Variants in MAGI2 observed in about 807,000 individuals in gnomAD.
The protein encoded by MAGI2 is membrane associated guanylate kinase, WW and PDZ domain containing 2, also known as membrane-associated guanylate kinase, WW and PDZ domain-containing protein 2.
In MAGI2, 35 loss-of-function variants were observed where a neutral mutation model predicts 133.3. The observed-to-expected ratio is 0.26, with a 90% CI of 0.20 to 0.35. The LOEUF is 0.35. MAGI2 is among the 10% of genes least tolerant of loss of function. MAGI2 has a pLI of 1.00. For synonymous variants in MAGI2, 729 were observed against 710.6 expected (o/e 1.03, Z -0.41); for missense variants, 1,636 against 1,863.4 (o/e 0.88, Z 2.25).
At chr7:78,907,366 C>T (rs1171948484) in intron 2 of MAGI2, among the ~76,000 whole-genome samples, 1 of 152,176 alleles carries the variant, frequency 6.6e-6, no homozygotes, top group Non-Finnish European at 1.5e-5. Context: ...TAAAGATTAT[C>T]ACCCTGGGGT....
intron 6 of MAGI2, among the ~76,000 whole-genome samples, chr7:78,416,614 G>A (rs1030332202): frequency 1.3e-5 from 2 of 152,104 alleles, no homozygotes; most frequent in South Asian, 2.1e-4. Flanking sequence ...ATGAAGTATA[G>A]TTGTAAACCA....
At chr7:78,234,308 C>T (rs759886134) in intron 10 of MAGI2, among the ~76,000 whole-genome samples, 5 of 152,114 alleles carry the variant, frequency 3.3e-5, no homozygotes, top group Admixed American at 6.6e-5. Flanking sequence ...TGCTTCTGAA[C>T]TGAAATGCAT....
chr7:78,770,187 GTGTT>G (rs1201274001), intron 2 of MAGI2, among the ~76,000 whole-genome samples: 4 of 152,262 alleles, frequency 2.6e-5, no homozygotes, highest in East Asian at 1.9e-4. Context: ...GAGAAATTAT[GTGTT>G]TGTTTTACAC....
chr7:78,603,732 A>C (rs1330038630), intron 3 of MAGI2, among the ~76,000 whole-genome samples: 8 of 152,248 alleles, frequency 5.3e-5, no homozygotes, highest in Admixed American at 5.2e-4. Context: ...CATGTTGGCC[A>C]GGCTGGTCTT....
chr7:79,126,798 T>A (rs1820445707), intron 1 of MAGI2, among the ~76,000 whole-genome samples: 1 of 151,840 alleles, frequency 6.6e-6, no homozygotes, highest in Admixed American at 6.6e-5. Context: ...ACATATTAAA[T>A]AATTTATTAT....
intron 20 of MAGI2, among the ~76,000 whole-genome samples, chr7:78,120,833 C>G (rs1160781049): frequency 6.7e-6 from 1 of 150,318 alleles, no homozygotes; most frequent in Non-Finnish European, 1.5e-5. Context: ...AACCCCGTCT[C>G]TACTAAAAAT....
chr7:78,212,734 A>G (rs532038265), intron 10 of MAGI2, among the ~76,000 whole-genome samples: 2 of 152,296 alleles, frequency 1.3e-5, no homozygotes, highest in Non-Finnish European at 2.9e-5. Flanking sequence ...TTCAAATGAA[A>G]CTAGATCTCA....
intron 20 of MAGI2, among the ~76,000 whole-genome samples, chr7:78,084,064 T>C (rs28617575): frequency 0.087 from 13,191 of 152,254 alleles, 863 homozygotes; most frequent in African/African-American, 0.19. Context: ...CTTACCTGGT[T>C]GTAATCAGTT....
At chr7:79,326,002 T>C (rs1488721266) in intron 1 of MAGI2, among the ~76,000 whole-genome samples, 1 of 152,108 alleles carries the variant, frequency 6.6e-6, no homozygotes, top group East Asian at 1.9e-4. Flanking sequence ...CTTCCTCCAA[T>C]TGTGAATCAC....
At chr7:78,893,164 T>A (rs1796910513) in intron 2 of MAGI2, among the ~76,000 whole-genome samples, 1 of 151,434 alleles carries the variant, frequency 6.6e-6, no homozygotes, top group Non-Finnish European at 1.5e-5. Flanking sequence ...GAAATGCAAA[T>A]CAAAACCACA....
intron 1 of MAGI2, among the ~76,000 whole-genome samples, chr7:79,258,599 C>G (rs1833862257): frequency 6.6e-6 from 1 of 152,202 alleles, no homozygotes; most frequent in Non-Finnish European, 1.5e-5. Flanking sequence ...TTCATCCTCA[C>G]TGTGGCTCTA....
At chr7:78,584,565 G>A (rs1018283994) in intron 3 of MAGI2, among the ~76,000 whole-genome samples, 6 of 152,008 alleles carry the variant, frequency 3.9e-5, no homozygotes, top group African/African-American at 1.4e-4. Context: ...CATCAGCACA[G>A]TGCAGAGCAC....
intron 1 of MAGI2, among the ~76,000 whole-genome samples, chr7:79,349,024 T>A (rs1015080348): frequency 6.6e-6 from 1 of 152,006 alleles, no homozygotes; most frequent in Non-Finnish European, 1.5e-5. Context: ...GTTATGTAAG[T>A]AAAACTATTT....
At chr7:78,081,558 T>G (rs553979740) in intron 20 of MAGI2, among the ~76,000 whole-genome samples, 122 of 152,222 alleles carry the variant, frequency 8.0e-4, no homozygotes, top group African/African-American at 2.8e-3. Flanking sequence ...AGTTTTGAAG[T>G]GCCAGTAGGA....
intron 20 of MAGI2, among the ~76,000 whole-genome samples, chr7:78,117,321 T>A (rs1054146759): frequency 2.0e-5 from 3 of 151,978 alleles, no homozygotes; most frequent in Non-Finnish European, 4.4e-5. Flanking sequence ...TGCATAAAAA[T>A]GATACATCAT....
chr7:78,334,084 T>C lies in MAGI2; in HGVS notation c.1408+9694A>G, dbSNP rs181743426. 8.5e-5 allele frequency among the ~76,000 whole-genome samples: 13 copies of C among 152,346 alleles called. No individual in the cohort carries two copies. In the East Asian group the frequency reaches 2.5e-3, roughly 29 times the overall value. On this transcript the variant is annotated intron_variant, in intron 9 of 21. Transcript: ENST00000354212. ...AAGCCAGAAAACATTTTCAAATGAC[T>C]TCTTAGGCTTTCTTGCAGCTCTTTC...
chr7:79,324,715 G>A (rs1002713131), intron 1 of MAGI2, among the ~76,000 whole-genome samples: 1 of 23,404 alleles, frequency 4.3e-5, no homozygotes, highest in Non-Finnish European at 8.5e-5. Context: ...TATTATATAT[G>A]TATATAAAAT....
chr7:78,776,924 T>C (rs1826031561), intron 2 of MAGI2, among the ~76,000 whole-genome samples: 1 of 152,220 alleles, frequency 6.6e-6, no homozygotes, highest in African/African-American at 2.4e-5. Context: ...TGATTGAATA[T>C]TGAGTGTGTG....
chr7:78,140,025 T>G (rs1822581380), intron 16 of MAGI2, among the ~76,000 whole-genome samples: 1 of 152,202 alleles, frequency 6.6e-6, no homozygotes, highest in African/African-American at 2.4e-5. Flanking sequence ...TCTTGGGGTC[T>G]GTAGCCACAT....
Sources: gnomAD v4.1 joint callset for allele counts (sites outside exome capture counted in the v4.1 genomes callset) on GRCh38, gnomAD v4.1.1 for gene constraint, MANE v1.5 for transcripts, NCBI Gene and HGNC (gene_info 2026-07-23, HGNC 2026-07-21) for gene names.